The following SAMD4A variants were observed in gnomAD, a reference collection of about 807,000 sequenced individuals.
The protein encoded by SAMD4A is protein Smaug homolog 1.
A neutral mutation model predicts 81.3 loss-of-function variants in SAMD4A; 33 were observed. That is an observed-to-expected ratio of 0.41 (90% CI 0.31 to 0.54). SAMD4A has a LOEUF of 0.54. Among genes scored for constraint, SAMD4A ranks in the 20% least tolerant of loss-of-function variants. The pLI is 0.37. For synonymous variants in SAMD4A, 389 were observed against 382.1 expected (o/e 1.02, Z -0.21); for missense variants, 854 against 951.1 (o/e 0.90, Z 1.34).
At chr14:54,626,059 T>TGTGTGCGCGCGCGC (rs368142521) in intron 2 of SAMD4A, among the ~76,000 whole-genome samples, 4 of 102,096 alleles carry the variant, frequency 3.9e-5, no homozygotes, top group Non-Finnish European at 6.0e-5. Flanking sequence ...TGTGTGTGTG[T>TGTGTGCGCGCGCGC]GCGCGCGCGC....
chr14:54,739,055 C>CTTT (rs3051648), intron 4 of SAMD4A, among the ~76,000 whole-genome samples: 5,498 of 97,292 alleles, frequency 0.057, 565 homozygotes, highest in African/African-American at 0.17. Context: ...CTTTCCTTTT[C>CTTT]TTTTTTTTTT....
intron 8 of SAMD4A, among the ~76,000 whole-genome samples, chr14:54,768,308 G>T (rs925555354): frequency 2.6e-5 from 4 of 152,220 alleles, no homozygotes; most frequent in African/African-American, 9.7e-5. Flanking sequence ...GCATCTATTT[G>T]AACCGTTATT....
chr14:54,603,217 T>C lies in SAMD4A; in HGVS notation c.196+35105T>C, dbSNP rs368264507. Reference sequence around the variant, plus strand: ...TAGCTCATAGCATTTCCATCAAGGGTATTGGTAGTCTCCAGTTGCTGAGAC... The same window carrying C: ...TAGCTCATAGCATTTCCATCAAGGGCATTGGTAGTCTCCAGTTGCTGAGAC... On this transcript the variant is annotated intron_variant, in intron 2 of 12. Transcript: ENST00000554335. 1.5e-4 allele frequency among the ~76,000 whole-genome samples: 23 copies of C among 152,278 alleles called. 1 individual carries two copies. The highest frequency in any genetic ancestry group is 3.4e-3 in the Middle Eastern group (1 of 294).
At chr14:54,616,894 C>T (rs1339297188) in intron 2 of SAMD4A, among the ~76,000 whole-genome samples, 1 of 152,190 alleles carries the variant, frequency 6.6e-6, no homozygotes, top group Non-Finnish European at 1.5e-5. Flanking sequence ...TGAAGAAATA[C>T]TGTCCTTTAA....
intron 2 of SAMD4A, among the ~76,000 whole-genome samples, chr14:54,595,866 A>G (rs755603777): frequency 7.2e-5 from 11 of 152,146 alleles, no homozygotes; most frequent in Admixed American, 3.9e-4. Flanking sequence ...TTTGCTTTTC[A>G]TTTTAACTGT....
At chr14:54,604,413 A>G (rs938634519) in intron 2 of SAMD4A, among the ~76,000 whole-genome samples, 11 of 152,348 alleles carry the variant, frequency 7.2e-5, no homozygotes, top group African/African-American at 2.4e-4. Flanking sequence ...CAAGAAAGAA[A>G]GGAAGAACCA....
intron 2 of SAMD4A, among the ~76,000 whole-genome samples, chr14:54,581,711 C>G (rs1165449523): frequency 2.6e-5 from 4 of 152,154 alleles, no homozygotes; most frequent in African/African-American, 9.7e-5. Flanking sequence ...CACAGGGATT[C>G]TATACCTATT....
intron 2 of SAMD4A, among the ~76,000 whole-genome samples, chr14:54,665,055 C>T (rs2035728027): frequency 6.6e-6 from 1 of 151,932 alleles, no homozygotes; most frequent in African/African-American, 2.4e-5. Flanking sequence ...GTCTCTGTGT[C>T]GTGTCTAGAT....
intron 2 of SAMD4A, among the ~76,000 whole-genome samples, chr14:54,675,326 A>G (rs1045048585): frequency 3.4e-4 from 48 of 139,222 alleles, no homozygotes; most frequent in African/African-American, 1.2e-3. Flanking sequence ...AGATTGTGCC[A>G]TTGCACTCTA....
At chr14:54,747,533 G>T (rs2037997300) in intron 4 of SAMD4A, among the ~76,000 whole-genome samples, 1 of 152,222 alleles carries the variant, frequency 6.6e-6, no homozygotes, top group Non-Finnish European at 1.5e-5. Flanking sequence ...TGTGTGGTCA[G>T]TGCCTCAGAA....
At chr14:54,674,398 GC>G (rs2035946982) in intron 2 of SAMD4A, among the ~76,000 whole-genome samples, 1 of 152,196 alleles carries the variant, frequency 6.6e-6, no homozygotes, top group African/African-American at 2.4e-5. Flanking sequence ...GACCTCTTCG[GC>G]ATGCCCAAGA....
At chr14:54,682,665 C>T (rs1469371169) in intron 2 of SAMD4A, among the ~76,000 whole-genome samples, 2 of 152,142 alleles carry the variant, frequency 1.3e-5, no homozygotes, top group Admixed American at 6.5e-5. Context: ...CCAAGGTGTT[C>T]GCTCTGGATC....
intron 2 of SAMD4A, among the ~76,000 whole-genome samples, chr14:54,602,313 T>C (rs1279601195): frequency 6.9e-6 from 1 of 143,890 alleles, no homozygotes; most frequent in East Asian, 2.1e-4. Flanking sequence ...GCTAGAGGAC[T>C]GCTTTAAAAT....
At chr14:54,599,337 C>T (rs964046998) in intron 2 of SAMD4A, among the ~76,000 whole-genome samples, 21 of 152,250 alleles carry the variant, frequency 1.4e-4, no homozygotes, top group East Asian at 7.7e-4. Context: ...ACCTCTTAGG[C>T]GTTGACAGAA....
At chr14:54,707,910 G>A (rs895455981) in intron 3 of SAMD4A, among the ~76,000 whole-genome samples, 8 of 152,188 alleles carry the variant, frequency 5.3e-5, no homozygotes, top group Middle Eastern at 3.2e-3. Context: ...GACAGTGGTC[G>A]GAGAGGCTGG....
intron 2 of SAMD4A, among the ~76,000 whole-genome samples, chr14:54,605,459 A>T (rs895884369): frequency 4.6e-5 from 7 of 152,182 alleles, no homozygotes; most frequent in African/African-American, 1.7e-4. Flanking sequence ...ACATATTTTT[A>T]AAAATATGTG....
chr14:54,629,561 T>C (rs1334696151), intron 2 of SAMD4A, among the ~76,000 whole-genome samples: 1 of 152,232 alleles, frequency 6.6e-6, no homozygotes, highest in East Asian at 1.9e-4. Context: ...TTTATGTTAG[T>C]TTTTATATAA....
intron 2 of SAMD4A, among the ~76,000 whole-genome samples, chr14:54,671,356 C>T (rs1490769059): frequency 6.6e-6 from 1 of 152,144 alleles, no homozygotes; most frequent in Admixed American, 6.5e-5. Context: ...CTTCTGCTTC[C>T]TCATCTTTGA....
At chr14:54,684,882 T>C (rs2036220865) in intron 2 of SAMD4A, among the ~76,000 whole-genome samples, 1 of 152,212 alleles carries the variant, frequency 6.6e-6, no homozygotes, top group South Asian at 2.1e-4. Flanking sequence ...GGGCGGGACC[T>C]GGAAGGAGAA....
Sources: gnomAD v4.1 joint callset for allele counts (sites outside exome capture counted in the v4.1 genomes callset) on GRCh38, gnomAD v4.1.1 for gene constraint, MANE v1.5 for transcripts, NCBI Gene and HGNC (gene_info 2026-07-23, HGNC 2026-07-21) for gene names.